PTPRG: variants seen among roughly 807,000 people sequenced by gnomAD.
PTPRG encodes protein tyrosine phosphatase receptor type G.
A neutral mutation model predicts 165.3 loss-of-function variants in PTPRG; 102 were observed. The ratio of observed to expected loss-of-function variants is 0.62; its 90% CI spans 0.53 to 0.73. PTPRG has a LOEUF of 0.73. PTPRG is among the 30% of genes least tolerant of loss of function. The pLI, the probability that PTPRG is intolerant of heterozygous loss-of-function variation, is 0.00. For missense variants in PTPRG, 1,866 were observed against 1,861.4 expected, an observed-to-expected ratio of 1.00 and a Z score of -0.05; for synonymous variants, 675 against 669.5, an observed-to-expected ratio of 1.01 and a Z score of -0.13.
Position 62,233,981 on chromosome 3 carries a change from AC to A in PTPRG, c.2375+2671del. Among the ~76,000 whole-genome samples, 1 of 152,324 alleles carries A rather than the reference AC, an allele frequency of 6.6e-6. No individual in the cohort carries two copies. The highest frequency in any genetic ancestry group is 6.5e-5 in the Admixed American group (1 of 15,304). ...CACCCACCCTGCTCCCTACCTCCTC[AC>A]AAATAGGTAGCCCCTATTGCTAGTT... On this transcript the variant is annotated intron_variant, in intron 14 of 29. Transcript: ENST00000474889. The surrounding 1 kb of genome is among the most constrained non-coding windows in gnomAD (Gnocchi z 4.7).
chr3:61,765,256 A>G (rs1169398831), intron 2 of PTPRG, among the ~76,000 whole-genome samples: 1 of 152,228 alleles, frequency 6.6e-6, no homozygotes, highest in Non-Finnish European at 1.5e-5. Flanking sequence ...CATTTCAGAA[A>G]TCTGTGCATG....
intron 2 of PTPRG, among the ~76,000 whole-genome samples, chr3:61,857,126 T>C (rs2037130275): frequency 6.6e-6 from 1 of 152,118 alleles, no homozygotes; most frequent in Non-Finnish European, 1.5e-5. Context: ...ATAGCCTCAT[T>C]TAGTATTTGG....
chr3:61,664,586 T>A (rs1055253644), intron 1 of PTPRG, among the ~76,000 whole-genome samples: 4 of 152,216 alleles, frequency 2.6e-5, no homozygotes, highest in African/African-American at 7.2e-5. Flanking sequence ...CCCAGCACTT[T>A]GGGAAGCCAA....
intron 2 of PTPRG, among the ~76,000 whole-genome samples, chr3:61,883,277 T>C (rs1334145461): frequency 2.6e-5 from 4 of 152,216 alleles, no homozygotes; most frequent in Non-Finnish European, 2.9e-5. Flanking sequence ...CCTCCACTTA[T>C]GGTCTTATTA....
intron 2 of PTPRG, among the ~76,000 whole-genome samples, chr3:61,869,922 G>A (rs2037517782): frequency 6.6e-6 from 1 of 151,914 alleles, no homozygotes; most frequent in Admixed American, 6.6e-5. Context: ...TCTTGACTAC[G>A]TCACCTAAAT....
At chr3:61,913,215 G>A (rs775877664) in intron 2 of PTPRG, among the ~76,000 whole-genome samples, 5 of 152,150 alleles carry the variant, frequency 3.3e-5, no homozygotes, top group Non-Finnish European at 5.9e-5. Context: ...AGGGGACAAC[G>A]TTTTCTTTTT....
chr3:62,015,514 A>T (rs555762133), intron 4 of PTPRG, among the ~76,000 whole-genome samples: 230 of 151,924 alleles, frequency 1.5e-3, no homozygotes, highest in South Asian at 2.9e-3. Context: ...AACAAAAAAA[A>T]TTTTTTTTTA....
chr3:61,764,442 C>G (rs1310864754), intron 2 of PTPRG, among the ~76,000 whole-genome samples: 1 of 152,154 alleles, frequency 6.6e-6, no homozygotes, highest in Non-Finnish European at 1.5e-5. Flanking sequence ...CTATTCCTAC[C>G]TGGTGGAGGT....
rs961190131 is a variant in PTPRG, at chr3:62,231,233, A to G, written c.2297A>G (p.Asn766Ser). Reference sequence around the variant, plus strand: ...GTTTTTTGTCCATTTAGAGGGTGTAACAAAATAAAGTCCAAGGGCTTTCCC... The same window carrying G: ...GTTTTTTGTCCATTTAGAGGGTGTAGCAAAATAAAGTCCAAGGGCTTTCCC... Reference protein sequence around the residue: ...IAVLVYWRGCNKIKSKGFPRR... With the variant: ...IAVLVYWRGCSKIKSKGFPRR... The change falls in exon 14 of 30, where the codon AAC becomes AGC. Residue 766 changes from asparagine to serine, a missense_variant. Physicochemically the swap from Asn to Ser is conservative, Grantham distance 46 (BLOSUM62 1). Around this residue, in one of 3 missense-constraint regions of PTPRG, gnomAD observed 1,452 missense variants for 1,463.0 expected, o/e 0.99. Coordinates refer to ENST00000474889, the MANE Select transcript of PTPRG (RefSeq NM_002841.4). The G allele has an allele frequency of 1.9e-6, 3 of 1,575,002 alleles. No homozygotes were observed. Among genetic ancestry groups the G allele is most frequent in the Non-Finnish European group, 2.6e-6 (3 of 1,160,804 alleles).
At chr3:61,621,051 A>ATATATATATGTGTGTGTGTGTGTGTGTG in intron 1 of PTPRG, among the ~76,000 whole-genome samples, 43 of 117,984 alleles carry the variant, frequency 3.6e-4, no homozygotes, top group Admixed American at 1.3e-3. Context: ...ATATATATAT[A>ATATATATATGTGTGTGTGTGTGTGTGTG]TGTGTGTGTG....
intron 1 of PTPRG, among the ~76,000 whole-genome samples, chr3:61,562,948 C>T (rs1003636835): frequency 2.6e-5 from 4 of 151,966 alleles, no homozygotes; most frequent in African/African-American, 7.2e-5. Context: ...GGGGCGTCCT[C>T]CCTCTCTCTG....
At chr3:62,086,757 T>C (rs1701765971) in intron 5 of PTPRG, among the ~76,000 whole-genome samples, 1 of 152,228 alleles carries the variant, frequency 6.6e-6, no homozygotes, top group African/African-American at 2.4e-5. Context: ...ATTGATTTCA[T>C]AGGACTTACC....
chr3:62,140,661 A>G (rs1350388265), intron 6 of PTPRG, among the ~76,000 whole-genome samples: 1 of 152,118 alleles, frequency 6.6e-6, no homozygotes, highest in Non-Finnish European at 1.5e-5. Context: ...AGCCTGACCA[A>G]CATGGTGAAA....
At chr3:61,753,525 A>G (rs2033524359) in intron 2 of PTPRG, 2 of 430,378 alleles carry the variant, frequency 4.6e-6, no homozygotes, top group South Asian at 1.7e-5. Context: ...TCATCAATGC[A>G]GGAAAGAGAA....
chr3:61,882,671 A>G (rs1342272370), intron 2 of PTPRG, among the ~76,000 whole-genome samples: 1 of 152,150 alleles, frequency 6.6e-6, no homozygotes, highest in Non-Finnish European at 1.5e-5. Flanking sequence ...CTCTTAATTC[A>G]GAGTATTCGT....
chr3:62,075,128 A>G (rs1213899627), intron 4 of PTPRG, among the ~76,000 whole-genome samples: 1 of 152,144 alleles, frequency 6.6e-6, no homozygotes, highest in African/African-American at 2.4e-5. Flanking sequence ...ACCCAAACAC[A>G]TTTTCTAAAA....
chr3:61,723,770 T>G (rs1048408565), intron 1 of PTPRG, among the ~76,000 whole-genome samples: 7 of 152,164 alleles, frequency 4.6e-5, no homozygotes, highest in African/African-American at 1.7e-4. Context: ...CGTGGACATT[T>G]TATCTCATAT....
At chr3:61,620,996 C>CA (rs1455474244) in intron 1 of PTPRG, among the ~76,000 whole-genome samples, 1 of 131,364 alleles carries the variant, frequency 7.6e-6, no homozygotes, top group African/African-American at 2.7e-5. Context: ...GCCTTATCAG[C>CA]AAAAAAAAAT....
intron 1 of PTPRG, among the ~76,000 whole-genome samples, chr3:61,720,298 A>G (rs1253310766): frequency 6.6e-6 from 1 of 151,776 alleles, no homozygotes. Flanking sequence ...TAATTTTTGT[A>G]TTTTTAGGAG....
Sources: gnomAD v4.1 joint callset for allele counts (sites outside exome capture counted in the v4.1 genomes callset) on GRCh38, gnomAD v4.1.1 for gene constraint, gnomAD v4.1.1 regional missense constraint, Gnocchi (gnomAD v3.1) non-coding constraint, MANE v1.5 for transcripts, NCBI Gene and HGNC (gene_info 2026-07-23, HGNC 2026-07-21) for gene names.